SPHKAP: variants seen among roughly 807,000 people sequenced by gnomAD.
SPHKAP encodes A-kinase anchor protein SPHKAP.
SPHKAP carries 67 observed loss-of-function variants against 137.5 expected under a neutral mutation model. The ratio of observed to expected loss-of-function variants is 0.49; its 90% CI spans 0.40 to 0.60. SPHKAP has a LOEUF of 0.60. SPHKAP is among the 20% of genes least tolerant of loss of function. The probability of loss-of-function intolerance (pLI) is 0.00; values close to 1 mark genes in which losing one functional copy is unlikely to be tolerated. For missense variants in SPHKAP, 2,097 were observed against 2,069.3 expected, an observed-to-expected ratio of 1.01 and a Z score of -0.26; for synonymous variants, 813 against 785.3, an observed-to-expected ratio of 1.04 and a Z score of -0.59.
intron 7 of SPHKAP, among the ~76,000 whole-genome samples, chr2:228,009,221 A>G (rs568378730): frequency 6.6e-5 from 10 of 152,202 alleles, no homozygotes; most frequent in Non-Finnish European, 1.3e-4. Flanking sequence ...ATTGTTTCTG[A>G]TAAGAAATCT....
intron 1 of SPHKAP, among the ~76,000 whole-genome samples, chr2:228,165,427 T>C (rs1427978007): frequency 6.6e-6 from 1 of 152,208 alleles, no homozygotes; most frequent in Non-Finnish European, 1.5e-5. Flanking sequence ...GTTTGGTGCC[T>C]TTCATACATT....
chr2:227,999,963 G>T (rs879642097), intron 7 of SPHKAP, among the ~76,000 whole-genome samples: 13 of 152,132 alleles, frequency 8.5e-5, no homozygotes, highest in Non-Finnish European at 1.9e-4. Flanking sequence ...TTCCATTAGG[G>T]TTCACTCTTG....
At chr2:228,098,891 T>A (rs1166819515) in intron 3 of SPHKAP, among the ~76,000 whole-genome samples, 1 of 152,218 alleles carries the variant, frequency 6.6e-6, no homozygotes, top group Non-Finnish European at 1.5e-5. Flanking sequence ...TGTTTTTTGC[T>A]TTTTGATTTC....
rs570856999 is a variant in SPHKAP, at chr2:228,054,406, T to A, written c.247-26863A>T. 4.5e-4 allele frequency among the ~76,000 whole-genome samples: 69 copies of A among 152,256 alleles called. No individual in the cohort carries two copies. In the South Asian group the frequency reaches 5.4e-3, roughly 12 times the overall value. On this transcript the variant is annotated intron_variant, in intron 3 of 11. Transcript: ENST00000392056. ...AGGGTTTGGGCAAGAGACATTGCAA[T>A]GGGTTGAGGATTGCCAGGAGAAAGT...
At chr2:228,112,406 T>C (rs4441462) in intron 2 of SPHKAP, among the ~76,000 whole-genome samples, 52,331 of 152,014 alleles carry the variant, frequency 0.34, 9,280 homozygotes, top group East Asian at 0.5. Flanking sequence ...CTTGTCTACA[T>C]TCTAAGATAT....
chr2:228,078,010 C>T (rs933752176), intron 3 of SPHKAP, among the ~76,000 whole-genome samples: 1 of 152,170 alleles, frequency 6.6e-6, no homozygotes, highest in Non-Finnish European at 1.5e-5. Context: ...TTTCCCTGCA[C>T]AAGCCCCCTT....
At chr2:228,116,484 T>G (rs1261674630) in intron 2 of SPHKAP, among the ~76,000 whole-genome samples, 1 of 152,184 alleles carries the variant, frequency 6.6e-6, no homozygotes, top group African/African-American at 2.4e-5. Flanking sequence ...ACATAGTATC[T>G]GATTATTTCA....
chr2:228,057,104 G>A (rs1015012045), intron 3 of SPHKAP, among the ~76,000 whole-genome samples: 2 of 152,150 alleles, frequency 1.3e-5, no homozygotes, highest in East Asian at 3.8e-4. Flanking sequence ...TTTCTTTAAA[G>A]TTCTCTTCTA....
At chr2:228,152,496 G>A (rs931872993) in intron 1 of SPHKAP, among the ~76,000 whole-genome samples, 3 of 151,970 alleles carry the variant, frequency 2.0e-5, no homozygotes, top group Non-Finnish European at 2.9e-5. Context: ...AGTATTTCAT[G>A]TTTTAAATAT....
Position 228,018,219 on chromosome 2 carries a change from T to A in SPHKAP, c.2635A>T (p.Ile879Phe). ...TACTTTTCTTGGGTGTTTGGGTGGA[T>A]ACTCTCCTCAGCCTCCTGGGAACCA... is the stretch of plus-strand genomic sequence containing the variant. The part of the protein sequence containing the change: ...RSGSQEAEES[I>F]HPNTQEKYNC... The change falls in exon 7 of 12, where the codon ATC (isoleucine) becomes TTC (phenylalanine). Residue 879 changes from isoleucine to phenylalanine, a missense_variant. Physicochemically the swap from Ile to Phe is conservative, Grantham distance 21 (BLOSUM62 0). Transcript: ENST00000392056. 1 of 1,614,154 alleles carries A rather than the reference T, an allele frequency of 6.2e-7. No homozygotes were observed. The highest frequency in any genetic ancestry group is 8.5e-7 in the Non-Finnish European group (1 of 1,180,030).
Position 228,112,684 on chromosome 2 carries a change from A to G in SPHKAP, c.139-3745T>C, listed in dbSNP as rs1261769240. On this transcript the variant is annotated intron_variant, in intron 2 of 11. Coordinates refer to ENST00000392056, the MANE Select transcript of SPHKAP (RefSeq NM_001142644.2). ...CTGTCTGCAGACCAGGCTAGTTGGG[A>G]GAAGAGCTGGCTACCTGTGGGATTT... Among the ~76,000 whole-genome samples the G allele has an allele frequency of 2.0e-5, 3 of 152,228 alleles. No individual in the cohort carries two copies. The East Asian group carries it at 5.8e-4, about 29-fold the overall frequency.
Position 228,025,432 on chromosome 2 carries a change from C to G in SPHKAP, c.403G>C (p.Ala135Pro), listed in dbSNP as rs756406612. ...ENEIVVLSGL[A>P]SGNLQADFEV... ...AAATCTGCCTGGAGATTTCCAGAGG[C>G]TAACCCACTTAGGACAACAATTTCA... Residue 135 changes from alanine (A) to proline (P), a missense_variant, in exon 5 of 12, where the codon GCC (alanine) becomes CCC (proline). Ala to Pro is a conservative substitution (Grantham distance 27). Coordinates refer to ENST00000392056, the MANE Select transcript of SPHKAP (RefSeq NM_001142644.2). 1 of 1,613,928 alleles carries G rather than the reference C, an allele frequency of 6.2e-7. No individual in the cohort carries two copies. Among genetic ancestry groups the G allele is most frequent in the South Asian group, 1.1e-5 (1 of 91,082 alleles).
rs555614459 is a variant in SPHKAP at position 228,052,044 on chromosome 2, G to A, written c.247-24501C>T. 1.1e-3 allele frequency among the ~76,000 whole-genome samples: 171 copies of A among 152,256 alleles called. 1 individual carries two copies. Among genetic ancestry groups the A allele is most frequent in the Non-Finnish European group, 1.9e-3 (129 of 68,018 alleles). On this transcript the variant is annotated intron_variant, in intron 3 of 11. Transcript: ENST00000392056. ...ATACCAATTCTAGCCCAACAAAAGC[G>A]AGCTCCAATAAGTATTTTTCTCTAT... is the stretch of plus-strand genomic sequence containing the variant.
Position 228,018,194 on chromosome 2 carries a change from T to C in SPHKAP, c.2660A>G (p.Tyr887Cys), listed in dbSNP as rs560999495. Reference sequence around the variant, plus strand: ...GTTGATGCGAGATGTGGCACAGTTGTACTTTTCTTGGGTGTTTGGGTGGAT... The same window carrying C: ...GTTGATGCGAGATGTGGCACAGTTGCACTTTTCTTGGGTGTTTGGGTGGAT... The part of the protein sequence containing the change: ...ESIHPNTQEK[Y>C]NCATSRINEV... Residue 887 changes from tyrosine to cysteine, a missense_variant, in exon 7 of 12, where the codon TAC (tyrosine) becomes TGC (cysteine). Physicochemically the swap from Tyr to Cys is radical, Grantham distance 194 (BLOSUM62 -2). Transcript: ENST00000392056. 7 of 1,614,198 alleles carry C rather than the reference T, an allele frequency of 4.3e-6. No homozygotes were observed. The African/African-American group carries it at 9.3e-5, about 22-fold the overall frequency.
intron 1 of SPHKAP, among the ~76,000 whole-genome samples, chr2:228,140,179 T>C (rs960421442): frequency 6.6e-6 from 1 of 151,542 alleles, no homozygotes. Context: ...TCTCCTGACC[T>C]CAGGTGATGT....
intron 10 of SPHKAP, 31 bp from the exon 11 acceptor site, chr2:227,991,215 T>G (rs764055711): frequency 6.2e-7 from 1 of 1,614,154 alleles, no homozygotes; most frequent in Non-Finnish European, 8.5e-7. Context: ...AGCCTTATCC[T>G]TCTTTCCAAA....
In SPHKAP at chr2:228,046,687, AAAC is replaced by A. The variant is rs371915476; in HGVS notation, c.247-19147_247-19145del. Among the ~76,000 whole-genome samples, 132 of 152,292 alleles carry A rather than the reference AAAC, an allele frequency of 8.7e-4. 1 individual carries two copies. The highest frequency in any genetic ancestry group is 3.4e-3 in the Middle Eastern group (1 of 294). ...TTAATCTGGCTTTAGTATATTCAGA[AAAC>A]AACAACAACAAAAAGAATAAAGAAA... On this transcript the variant is annotated intron_variant, in intron 3 of 11. Transcript: ENST00000392056.
chr2:228,046,288 A>C (rs375661809), intron 3 of SPHKAP, among the ~76,000 whole-genome samples: 5 of 58,660 alleles, frequency 8.5e-5, no homozygotes, highest in African/African-American at 3.5e-4. Flanking sequence ...TACTGTTGTT[A>C]TTCTTTTTTT....
At chr2:228,086,869 G>C (rs1035784900) in intron 3 of SPHKAP, among the ~76,000 whole-genome samples, 3 of 152,210 alleles carry the variant, frequency 2.0e-5, no homozygotes, top group Non-Finnish European at 4.4e-5. Flanking sequence ...TGGCCAGCTA[G>C]TGCCCTAAAG....
Sources: allele counts gnomAD v4.1 joint callset (sites outside exome capture counted in the v4.1 genomes callset), GRCh38; gene constraint gnomAD v4.1.1; transcripts MANE v1.5; gene names NCBI Gene and HGNC (gene_info 2026-07-23, HGNC 2026-07-21).